The following SLU7 variants were observed in gnomAD, a reference collection of about 807,000 sequenced individuals.
SLU7 encodes spliceosome associated SLU7.
SLU7 carries 60 observed loss-of-function variants against 87.0 expected under a neutral mutation model. The observed-to-expected ratio is 0.69, with a 90% CI of 0.56 to 0.86. The LOEUF is 0.86. Ranked by LOEUF, SLU7 falls within the 40% of genes least tolerant of loss-of-function variation. The pLI, the probability that SLU7 is intolerant of heterozygous loss-of-function variation, is 0.00. For missense variants in SLU7, 507 were observed against 686.6 expected, an observed-to-expected ratio of 0.74 and a Z score of 2.92; for synonymous variants, 197 against 222.0, an observed-to-expected ratio of 0.89 and a Z score of 1.00.
chr5:160,415,607 C>T (rs536038683), intron 1 of SLU7, among the ~76,000 whole-genome samples: 13 of 152,280 alleles, frequency 8.5e-5, no homozygotes, highest in Non-Finnish European at 1.8e-4. Flanking sequence ...ACTTTTCTAA[C>T]ACAGTAACTC....
In SLU7 at chr5:160,406,597, T is replaced by A; in HGVS notation, c.1158A>T (p.Pro386=). ...CAGTCTGGGCTAAAAGCAATTCAGC[T>A]GGAGGGGCATCCAAATGTTCTTGGC... The part of the protein sequence containing the change: ...YGGQEHLDAP[P]AELLLAQTED... The change falls in exon 12 of 16, where the codon CCA becomes CCT. Residue 386 remains proline (P), a synonymous_variant. Coordinates refer to ENST00000297151, the MANE Select transcript of SLU7 (RefSeq NM_006425.5). 1 of 1,612,058 alleles carries A rather than the reference T, an allele frequency of 6.2e-7. No individual in the cohort carries two copies. The highest frequency in any genetic ancestry group is 8.5e-7 in the Non-Finnish European group (1 of 1,179,190).
intron 1 of SLU7, chr5:160,418,761 G>A (rs1269296216): frequency 6.6e-6 from 1 of 152,196 alleles, no homozygotes; most frequent in Non-Finnish European, 1.5e-5. Flanking sequence ...GATTGCTCAA[G>A]GTCTTCGAGG....
chr5:160,415,336 T>TA, intron 1 of SLU7, 26 bp from the exon 2 acceptor site: 1 of 1,512,034 alleles, frequency 6.6e-7, no homozygotes, highest in Non-Finnish European at 8.8e-7. Context: ...AAACTTACAG[T>TA]AAAAAGTAGG....
At chr5:160,412,845 C>T (rs1282019636) in intron 5 of SLU7, among the ~76,000 whole-genome samples, 5 of 151,904 alleles carry the variant, frequency 3.3e-5, no homozygotes, top group Admixed American at 1.3e-4. Flanking sequence ...TGACTCTTAC[C>T]AGGCAGGCGT....
At chr5:160,403,971 T>C (rs1764892262) in intron 15 of SLU7, among the ~76,000 whole-genome samples, 1 of 152,222 alleles carries the variant, frequency 6.6e-6, no homozygotes, top group African/African-American at 2.4e-5. Flanking sequence ...TCCATTAATA[T>C]AACTTGAGCA....
chr5:160,403,390 G>GT lies in SLU7; in HGVS notation c.1655dup (p.Tyr552Ter), dbSNP rs1328507118. 2 of 1,613,172 alleles carry GT rather than the reference G, an allele frequency of 1.2e-6. No individual in the cohort carries two copies. Among genetic ancestry groups the GT allele is most frequent in the Admixed American group, 1.7e-5 (1 of 59,840 alleles). ...TMQIDERKRP[Y>*]NSMYETREPT... ...GTTCTCGAGTTTCATACATGCTATT[G>GT]TAAGGCCGCTTCCTCTCATCAATCT... The change falls in exon 16 of 16, where the codon TAC (tyrosine) becomes TAAC (stop). Residue 552 changes from tyrosine (Y) to a stop codon, truncating the protein, a stop_gained and frameshift_variant. Transcript: ENST00000297151. LOFTEE classifies it high-confidence loss of function.
chr5:160,409,795 G>C (rs1765157369), intron 6 of SLU7, among the ~76,000 whole-genome samples: 1 of 151,804 alleles, frequency 6.6e-6, no homozygotes, highest in Non-Finnish European at 1.5e-5. Context: ...TAACTTTTTT[G>C]ATTAAAAAAA....
At position 160,408,402 on chromosome 5, in the gene SLU7, AT is replaced by A. The variant is rs755816654; in HGVS notation, c.745del (p.Met249CysfsTer27). ...DEDKYADDID[M>X]PGQNFDSKRR... The stretch of plus-strand genomic sequence containing the variant: ...CTTGGAGTCAAAATTCTGTCCAGGC[AT>A]GTCAATATCATCTGCATATTTATCT... On this transcript the variant is annotated frameshift_variant, in exon 8 of 16. Coordinates refer to ENST00000297151, the MANE Select transcript of SLU7 (RefSeq NM_006425.5). LOFTEE classifies it high-confidence loss of function. 1.2e-6 allele frequency: 2 copies of A among 1,611,078 alleles called. No homozygotes were observed. The highest frequency in any genetic ancestry group is 2.7e-5 in the African/African-American group (2 of 74,880).
intron 15 of SLU7, 94 bp downstream of exon 15, chr5:160,404,346 C>T (rs1274326723): frequency 5.2e-6 from 4 of 768,552 alleles, no homozygotes; most frequent in African/African-American, 1.7e-5. Flanking sequence ...GCCTGGACAA[C>T]AGAGCAAGAC....
At chr5:160,414,923 T>TA (rs1420021786) in intron 2 of SLU7, among the ~76,000 whole-genome samples, 2 of 152,124 alleles carry the variant, frequency 1.3e-5, no homozygotes. Context: ...GTGGGAACGG[T>TA]AAAAAAGGAC....
chr5:160,412,310 T>C (rs1579074), intron 6 of SLU7, 141 bp downstream of exon 6: 223,758 of 601,622 alleles, frequency 0.37, 43,039 homozygotes, highest in Non-Finnish European at 0.4. Flanking sequence ...ATGAACTGTA[T>C]ACAAAGTATC....
intron 5 of SLU7, among the ~76,000 whole-genome samples, chr5:160,412,870 T>C (rs570280101): frequency 2.0e-5 from 3 of 152,040 alleles, no homozygotes; most frequent in Non-Finnish European, 4.4e-5. Flanking sequence ...TTACCATATA[T>C]TACAATATTC....
At chr5:160,406,691 GAA>G in intron 11 of SLU7, 62 bp from the exon 12 acceptor site, 1 of 1,229,824 alleles carries the variant, frequency 8.1e-7, no homozygotes, top group Non-Finnish European at 1.1e-6. Context: ...TAAATTTCCA[GAA>G]AACATTTATT....
intron 12 of SLU7, 116 bp from the exon 13 acceptor site, chr5:160,405,251 T>A (rs1030977462): frequency 7.1e-6 from 5 of 700,032 alleles, no homozygotes; most frequent in Non-Finnish European, 1.2e-5. Context: ...GGAGAAAAAT[T>A]ATGGGGATTC....
intron 12 of SLU7, 30 bp downstream of exon 12, chr5:160,406,438 G>A: frequency 6.5e-7 from 1 of 1,547,676 alleles, no homozygotes; most frequent in Non-Finnish European, 8.7e-7. Context: ...AACCAACAAG[G>A]ACACAAAATT....
At chr5:160,416,066 G>T (rs561906140) in intron 1 of SLU7, among the ~76,000 whole-genome samples, 1 of 151,938 alleles carries the variant, frequency 6.6e-6, no homozygotes, top group Non-Finnish European at 1.5e-5. Flanking sequence ...TAATTTTTTC[G>T]TATTTTTTGT....
rs1047504954 is a variant in SLU7, at chr5:160,408,265, G to A, written c.819+64C>T. The A allele has an allele frequency of 2.8e-5, 42 of 1,522,842 alleles. 1 individual carries two copies. The South Asian group carries it at 3.4e-4, about 12-fold the overall frequency. 94.3% of individuals were successfully genotyped at this position (1,522,842 alleles called of 1,614,324 possible). A position where few individuals can be genotyped will look rare whatever the true frequency, so the allele number is the denominator to read the frequency against. ...TATTATCCATATGCTACCCAGAGTC[G>A]ATAAAATTTATGCTGGGAAGACAAG... On this transcript the variant is annotated intron_variant, in intron 8 of 15. Coordinates refer to ENST00000297151, the MANE Select transcript of SLU7 (RefSeq NM_006425.5).
At chr5:160,404,298 G>T in intron 15 of SLU7, 142 bp downstream of exon 15, 1 of 585,966 alleles carries the variant, frequency 1.7e-6, no homozygotes, top group East Asian at 2.9e-5. Context: ...CTATGAGGTG[G>T]AGCTTGCAGT....
At position 160,415,303 on chromosome 5, in the gene SLU7, G is replaced by A. The variant is rs1581074952; in HGVS notation, c.-9C>T. Reference sequence around the variant, plus strand: ...ACAACTGTGGCTGACATGGTTATCTGGCCTCCTCTAGGAAAAGAAGTGAAA... The same window carrying A: ...ACAACTGTGGCTGACATGGTTATCTAGCCTCCTCTAGGAAAAGAAGTGAAA... On this transcript the variant is annotated 5_prime_UTR_variant, in exon 2 of 16. Transcript: ENST00000297151. 1 of 1,553,704 alleles carries A rather than the reference G, an allele frequency of 6.4e-7. No homozygotes were observed. The highest frequency in any genetic ancestry group is 8.7e-7 in the Non-Finnish European group (1 of 1,154,172).
Sources: allele counts gnomAD v4.1 joint callset (sites outside exome capture counted in the v4.1 genomes callset), GRCh38; gene constraint gnomAD v4.1.1; transcripts MANE v1.5; gene names NCBI Gene and HGNC (gene_info 2026-07-23, HGNC 2026-07-21).